CNIH3: variants seen among roughly 807,000 people sequenced by gnomAD.
The protein encoded by CNIH3 is cornichon family AMPA receptor auxiliary protein 3.
A neutral mutation model predicts 24.1 loss-of-function variants in CNIH3; 14 were observed. The observed-to-expected ratio is 0.58, with a 90% CI of 0.38 to 0.91. CNIH3 has a LOEUF of 0.91. CNIH3 is among the 40% of genes least tolerant of loss of function. The probability of loss-of-function intolerance (pLI) is 0.00; values close to 1 mark genes in which losing one functional copy is unlikely to be tolerated. For missense variants in CNIH3, 178 were observed against 196.8 expected (o/e 0.90, Z 0.57); for synonymous variants, 68 against 73.8 (o/e 0.92, Z 0.40).
At chr1:224,589,689 T>C (rs1389775409), downstream of CNIH3, among the ~76,000 whole-genome samples, 1 of 152,168 alleles carries the variant, frequency 6.6e-6, no homozygotes, top group Non-Finnish European at 1.5e-5. Flanking sequence ...AGGACTTCTT[T>C]GTCTTAGTGA....
chr1:224,566,093 G>C (rs1320105332), intron 3 of CNIH3: 1 of 151,468 alleles, frequency 6.6e-6, no homozygotes, highest in Non-Finnish European at 1.5e-5. Context: ...TGGACTCTTA[G>C]ACAAACAATA....
intron 1 of CNIH3, among the ~76,000 whole-genome samples, chr1:224,441,063 C>G (rs1219889712): frequency 6.6e-6 from 1 of 151,960 alleles, no homozygotes; most frequent in East Asian, 1.9e-4. Flanking sequence ...TGATCCGCCC[C>G]CCTCGGCCTC....
chr1:224,708,351 TA>T (rs1347039735), intron 3 of CNIH3, among the ~76,000 whole-genome samples: 2 of 152,200 alleles, frequency 1.3e-5, no homozygotes, highest in Non-Finnish European at 2.9e-5. Context: ...CTCTCATTGT[TA>T]TCCAGCTCCT....
chr1:224,713,269 GA>G (rs1688255114), intron 3 of CNIH3, among the ~76,000 whole-genome samples: 1 of 152,174 alleles, frequency 6.6e-6, no homozygotes, highest in Non-Finnish European at 1.5e-5. Flanking sequence ...GCCAACCAGA[GA>G]AAAAACATTT....
intron 2 of CNIH3, among the ~76,000 whole-genome samples, chr1:224,522,757 T>G (rs142508841): frequency 6.6e-6 from 1 of 152,272 alleles, no homozygotes; most frequent in African/African-American, 2.4e-5. Flanking sequence ...CAACTGATCA[T>G]ATCAGTGTTA....
chr1:224,640,732 A>T (rs1005875948), intron 1 of CNIH3, among the ~76,000 whole-genome samples: 3 of 152,148 alleles, frequency 2.0e-5, no homozygotes, highest in Admixed American at 6.5e-5. Flanking sequence ...GTCATGGCAG[A>T]GCCAAACCCA....
intron 1 of CNIH3, among the ~76,000 whole-genome samples, chr1:224,456,687 A>G (rs1402229200): frequency 6.6e-6 from 1 of 152,230 alleles, no homozygotes; most frequent in East Asian, 1.9e-4. Context: ...CCGGGATTAC[A>G]GGCATGAGCC....
At chr1:224,536,141 T>G (rs1489594668) in intron 2 of CNIH3, among the ~76,000 whole-genome samples, 1 of 152,116 alleles carries the variant, frequency 6.6e-6, no homozygotes, top group Non-Finnish European at 1.5e-5. Flanking sequence ...CAAGGATCCA[T>G]CTGTCAGCAG....
At chr1:224,693,254 C>T (rs577219090) in intron 3 of CNIH3, among the ~76,000 whole-genome samples, 12 of 152,220 alleles carry the variant, frequency 7.9e-5, no homozygotes, top group Non-Finnish European at 1.3e-4. Flanking sequence ...TCACTCCTTC[C>T]CTAGGGCCGC....
chr1:224,526,224 C>A (rs182398651), intron 2 of CNIH3, among the ~76,000 whole-genome samples: 2 of 152,312 alleles, frequency 1.3e-5, no homozygotes, highest in African/African-American at 4.8e-5. Context: ...TAGGTGCTTT[C>A]TAGGGTCTGA....
At chr1:224,540,343 C>G (rs1401020965), downstream of CNIH3, among the ~76,000 whole-genome samples, 1 of 152,200 alleles carries the variant, frequency 6.6e-6, no homozygotes, top group Admixed American at 6.5e-5. Context: ...TCAAACATTT[C>G]TCTTGAAAAT....
At chr1:224,522,251 T>G (rs560300448) in intron 2 of CNIH3, among the ~76,000 whole-genome samples, 12 of 152,326 alleles carry the variant, frequency 7.9e-5, no homozygotes, top group African/African-American at 2.9e-4. Context: ...AAGTCCTTTC[T>G]CTTTTGGTAA....
At chr1:224,696,159 C>G (rs1687169345) in intron 3 of CNIH3, among the ~76,000 whole-genome samples, 1 of 152,172 alleles carries the variant, frequency 6.6e-6, no homozygotes, top group African/African-American at 2.4e-5. Context: ...CCAGGCTCCT[C>G]CCATCTTTGG....
chr1:224,548,862 C>T (rs1014123144), intron 3 of CNIH3, among the ~76,000 whole-genome samples: 21 of 151,904 alleles, frequency 1.4e-4, no homozygotes, highest in East Asian at 5.8e-4. Context: ...TACCCTGGGA[C>T]GTTATTCGTA....
chr1:224,685,767 GC>G (rs1263928540), intron 3 of CNIH3, among the ~76,000 whole-genome samples: 6 of 152,150 alleles, frequency 3.9e-5, no homozygotes. Context: ...TAATCAAGCA[GC>G]CGGTTATTTT....
chr1:224,643,587 G>A (rs1684462747), intron 1 of CNIH3, among the ~76,000 whole-genome samples: 1 of 152,190 alleles, frequency 6.6e-6, no homozygotes, highest in Admixed American at 6.5e-5. Flanking sequence ...TCTGTTGTGG[G>A]ACTTTTCCTT....
At chr1:224,599,925 G>A (rs1035751132) in intron 3 of CNIH3, among the ~76,000 whole-genome samples, 2 of 152,086 alleles carry the variant, frequency 1.3e-5, no homozygotes, top group African/African-American at 4.8e-5. Flanking sequence ...CAGCATTACA[G>A]GTTTTCTATT....
At chr1:224,445,277 A>G (rs769313860) in intron 1 of CNIH3, among the ~76,000 whole-genome samples, 4 of 151,512 alleles carry the variant, frequency 2.6e-5, no homozygotes, top group Non-Finnish European at 4.4e-5. Flanking sequence ...TCCTCTTTTA[A>G]GATTGTGTTG....
intron 3 of CNIH3, among the ~76,000 whole-genome samples, chr1:224,727,067 TGCCTGCCTGGTGGTTATTCA>T (rs1178005689): frequency 1.3e-5 from 2 of 152,190 alleles, no homozygotes; most frequent in Admixed American, 1.3e-4. Context: ...ATGAGCATTA[TGCCTGCCTGGTGGTTATTCA>T]GCCCCTGCCC....
Sources: gnomAD v4.1 joint callset for allele counts (sites outside exome capture counted in the v4.1 genomes callset) on GRCh38, gnomAD v4.1.1 for gene constraint, MANE v1.5 for transcripts, NCBI Gene and HGNC (gene_info 2026-07-23, HGNC 2026-07-21) for gene names.